Variants in CNTNAP2 observed in about 807,000 individuals in gnomAD.
CNTNAP2 encodes the protein contactin-associated protein-like 2.
CNTNAP2 carries 98 observed loss-of-function variants against 155.2 expected under a neutral mutation model. The observed-to-expected ratio is 0.63, with a 90% CI of 0.54 to 0.75. The LOEUF (loss-of-function observed/expected upper bound fraction) is 0.75. Ranked by LOEUF, CNTNAP2 falls within the 30% of genes least tolerant of loss-of-function variation. The pLI, the probability that CNTNAP2 is intolerant of heterozygous loss-of-function variation, is 0.00. For synonymous variants in CNTNAP2, 651 were observed against 631.2 expected (o/e 1.03, Z -0.47); for missense variants, 1,727 against 1,688.1 (o/e 1.02, Z -0.40).
intron 10 of CNTNAP2, among the ~76,000 whole-genome samples, chr7:147,449,827 T>C (rs967892287): frequency 6.6e-6 from 1 of 152,344 alleles, no homozygotes; most frequent in African/African-American, 2.4e-5. Context: ...GATGTGAAAA[T>C]ACAAACATTC....
At chr7:146,716,165 C>T (rs1444659137) in intron 1 of CNTNAP2, among the ~76,000 whole-genome samples, 1 of 150,350 alleles carries the variant, frequency 6.7e-6, no homozygotes, top group Non-Finnish European at 1.5e-5. Flanking sequence ...GGTAGATTCC[C>T]TGACCTGAGA....
intron 3 of CNTNAP2, among the ~76,000 whole-genome samples, chr7:147,026,229 G>A (rs1343461344): frequency 6.6e-6 from 1 of 152,108 alleles, no homozygotes; most frequent in African/African-American, 2.4e-5. Flanking sequence ...TTGAAGATAG[G>A]ATCCTGAGAT....
In CNTNAP2 at chr7:146,931,945, A is replaced by G. The variant is rs370427796; in HGVS notation, c.402+92041A>G. On this transcript the variant is annotated intron_variant, in intron 3 of 23. Transcript: ENST00000361727. ...GGCTCTGAAATTGTGGCAATAATCA[A>G]TAGCTTACCAACCAAAAAGAGTCCA... Among the ~76,000 whole-genome samples the G allele has an allele frequency of 3.9e-5, 6 of 152,144 alleles. No individual in the cohort carries two copies. The South Asian group carries it at 1.2e-3, about 32-fold the overall frequency.
Position 147,516,673 on chromosome 7 carries a change from TCATAA to T in CNTNAP2, c.1777+30635_1777+30639del, listed in dbSNP as rs369997365. Among the ~76,000 whole-genome samples the T allele has an allele frequency of 6.6e-5, 10 of 150,938 alleles. No individual in the cohort carries two copies. In the East Asian group the frequency reaches 2.0e-3, roughly 30 times the overall value. ...CTAGGATTAGCTCTAGTTTTTAACA[TCATAA>T]CAGAATATGAAGCACGATGCACAAA... is the stretch of plus-strand genomic sequence containing the variant. On this transcript the variant is annotated intron_variant, in intron 11 of 23. Coordinates refer to ENST00000361727, the MANE Select transcript of CNTNAP2 (RefSeq NM_014141.6).
At chr7:146,713,765 G>C (rs1389309386) in intron 1 of CNTNAP2, among the ~76,000 whole-genome samples, 6 of 152,050 alleles carry the variant, frequency 3.9e-5, no homozygotes, top group Admixed American at 3.9e-4. Flanking sequence ...TTAGAACCCA[G>C]CCTCTAGAAG....
intron 13 of CNTNAP2, among the ~76,000 whole-genome samples, chr7:147,788,820 C>G (rs1441491048): frequency 6.6e-6 from 1 of 151,900 alleles, no homozygotes; most frequent in African/African-American, 2.4e-5. Flanking sequence ...ATCCCAGGAA[C>G]CTCTTTCCGT....
intron 20 of CNTNAP2, among the ~76,000 whole-genome samples, chr7:148,258,924 T>A (rs889678162): frequency 7.9e-5 from 12 of 151,824 alleles, no homozygotes; most frequent in African/African-American, 2.4e-4. Context: ...ACACCTGTAA[T>A]CCCAGCACTT....
intron 2 of CNTNAP2, among the ~76,000 whole-genome samples, chr7:146,807,993 T>A (rs1802997900): frequency 6.6e-6 from 1 of 152,154 alleles, no homozygotes; most frequent in Non-Finnish European, 1.5e-5. Context: ...TGTTTTTAAC[T>A]GTGGAGAAAT....
chr7:147,743,274 C>A (rs79510112), intron 13 of CNTNAP2, among the ~76,000 whole-genome samples: 4,890 of 152,156 alleles, frequency 0.032, 253 homozygotes, highest in African/African-American at 0.11. Flanking sequence ...CCGAAATCTC[C>A]CAAATAGCAA....
In CNTNAP2 at chr7:146,371,365, G is replaced by GTTTTTTT. The variant is rs58066282; in HGVS notation, c.97+254407_97+254413dup. 9.4e-4 allele frequency among the ~76,000 whole-genome samples: 93 copies of GTTTTTTT among 98,530 alleles called. 2 individuals are homozygous for GTTTTTTT. Among genetic ancestry groups the GTTTTTTT allele is most frequent in the African/African-American group, 3.4e-3 (76 of 22,322 alleles). 64.6% of individuals were successfully genotyped at this position (98,530 alleles called of 152,430 possible). ...TGCAATATAATATATGCCAGTATTAGTTTTTTTTTTTTTTTTTTTTTGAGA... is the reference window on the plus strand; with the variant it reads ...TGCAATATAATATATGCCAGTATTAGTTTTTTTTTTTTTTTTTTTTTTTTTTTTGAGA... On this transcript the variant is annotated intron_variant, in intron 1 of 23. Transcript: ENST00000361727.
At chr7:146,365,565 C>T (rs1795143127) in intron 1 of CNTNAP2, among the ~76,000 whole-genome samples, 2 of 152,172 alleles carry the variant, frequency 1.3e-5, no homozygotes, top group African/African-American at 4.8e-5. Context: ...CACAGACACA[C>T]ACACAGACTT....
At chr7:147,088,219 A>T (rs1302816089) in intron 4 of CNTNAP2, among the ~76,000 whole-genome samples, 1 of 152,298 alleles carries the variant, frequency 6.6e-6, no homozygotes, top group African/African-American at 2.4e-5. Flanking sequence ...CAAATTTTGG[A>T]GAAATAAATC....
intron 4 of CNTNAP2, chr7:147,081,001 T>C (rs929105996): frequency 2.6e-5 from 4 of 152,204 alleles, no homozygotes; most frequent in Admixed American, 6.5e-5. Context: ...TTATTTCATA[T>C]GACATCAACA....
chr7:148,102,735 G>T (rs1039760168), intron 15 of CNTNAP2, among the ~76,000 whole-genome samples: 1 of 152,160 alleles, frequency 6.6e-6, no homozygotes, highest in Non-Finnish European at 1.5e-5. Context: ...TTATGTTGTG[G>T]CCCAGCCAGA....
Position 148,267,120 on chromosome 7 carries a change from G to A in CNTNAP2, c.3469G>A (p.Val1157Ile), listed in dbSNP as rs920768770. The A allele has an allele frequency of 6.2e-7, 1 of 1,613,574 alleles. No homozygotes were observed. The highest frequency in any genetic ancestry group is 8.5e-7 in the Non-Finnish European group (1 of 1,179,524). Residue 1157 changes from valine (V) to isoleucine (I), a missense_variant, in exon 21 of 24, where the codon GTT (valine) becomes ATT (isoleucine). Val to Ile is a conservative substitution (Grantham distance 29). Transcript: ENST00000361727. The part of the protein sequence containing the change: ...NSPKSLFLGK[V>I]IETGKIDQEI... ...TCCCAAGTCGCTCTTTCTGGGAAAA[G>A]TTATAGGTAAGAATGTGGTTCGTTA...
intron 19 of CNTNAP2, among the ~76,000 whole-genome samples, chr7:148,219,430 A>T (rs1585196009): frequency 6.6e-6 from 1 of 152,206 alleles, no homozygotes; most frequent in African/African-American, 2.4e-5. Flanking sequence ...ACTGTGGCTC[A>T]TGCCTGTAAT....
intron 12 of CNTNAP2, 145 bp downstream of exon 12, chr7:147,562,402 G>A (rs987456624): frequency 5.6e-6 from 6 of 1,063,868 alleles, no homozygotes; most frequent in Non-Finnish European, 7.0e-6. Context: ...TAGATAAGAT[G>A]ATGAAATGTA....
At chr7:147,125,125 C>T (rs1323931774) in intron 6 of CNTNAP2, among the ~76,000 whole-genome samples, 1 of 151,812 alleles carries the variant, frequency 6.6e-6, no homozygotes, top group Non-Finnish European at 1.5e-5. Flanking sequence ...CATGATCCAC[C>T]CACCTCGGCC....
chr7:146,438,328 G>A (rs1234928536), intron 1 of CNTNAP2, among the ~76,000 whole-genome samples: 1 of 149,810 alleles, frequency 6.7e-6, no homozygotes, highest in East Asian at 1.9e-4. Context: ...CTTGATCCAG[G>A]GTTCCATGGA....
Sources: allele counts gnomAD v4.1 joint callset (sites outside exome capture counted in the v4.1 genomes callset), GRCh38; gene constraint gnomAD v4.1.1; transcripts MANE v1.5; gene names NCBI Gene and HGNC (gene_info 2026-07-23, HGNC 2026-07-21).